The following PRR35 variants were observed in gnomAD, a reference collection of about 807,000 sequenced individuals.
The protein encoded by PRR35 is proline-rich protein 35.
In PRR35, 14 loss-of-function variants were observed where a neutral mutation model predicts 18.6. The observed-to-expected ratio is 0.75, with a 90% CI of 0.50 to 1.18. PRR35 has a LOEUF of 1.18. Among genes scored for constraint, PRR35 ranks in the 50% most tolerant of loss-of-function variants. PRR35 has a pLI of 0.00. For synonymous variants in PRR35, 425 were observed against 378.2 expected, an observed-to-expected ratio of 1.12 and a Z score of -1.43; for missense variants, 832 against 792.2, an observed-to-expected ratio of 1.05 and a Z score of -0.60.
chr16:563,691 A>G lies in PRR35; in HGVS notation c.397A>G (p.Arg133Gly). 1 of 1,560,888 alleles carries G rather than the reference A, an allele frequency of 6.4e-7. No individual in the cohort carries two copies. Among genetic ancestry groups the G allele is most frequent in the Non-Finnish European group, 8.6e-7 (1 of 1,159,172 alleles). ...SLHCGGGPKS[R>G]AKGSPGPPPP... ...GCACTGTGGCGGAGGCCCCAAGTCC[A>G]GGGCCAAGGGGTCCCCAGGGCCACC... The change falls in exon 2 of 3, where the codon AGG becomes GGG. Residue 133 changes from arginine to glycine, a missense_variant. Around this residue, in one of 3 missense-constraint regions of PRR35, gnomAD observed 768 missense variants for 704.1 expected, o/e 1.09. Transcript: ENST00000409413.
Position 563,368 on chromosome 16 carries a change from A to G in PRR35, c.74A>G (p.His25Arg), listed in dbSNP as rs1490666845. 6.2e-7 allele frequency: 1 copy of G among 1,612,170 alleles called. No individual in the cohort carries two copies. Among genetic ancestry groups the G allele is most frequent in the Non-Finnish European group, 8.5e-7 (1 of 1,179,672 alleles). ...CGGTCTCGGAAGCCCAAGAAGCCAC[A>G]CTACATCCCGCGGCCCTGGGGCAAA... Reference protein sequence around the residue: ...RARSRKPKKPHYIPRPWGKPY... With the variant: ...RARSRKPKKPRYIPRPWGKPY... The change falls in exon 2 of 3, where the codon CAC (histidine) becomes CGC (arginine). Residue 25 changes from histidine (H) to arginine (R), a missense_variant. His to Arg is a conservative substitution (Grantham distance 29). Coordinates refer to ENST00000409413, the MANE Select transcript of PRR35 (RefSeq NM_145270.3).
At position 565,503 on chromosome 16, in the gene PRR35, T is replaced by G. The variant is rs766992001; in HGVS notation, c.*196T>G. ...CACAGTTATTTATTGATCACAATTGTGGACATTAAAACAGAAACTGTTCAC... is the reference window on the plus strand; with the variant it reads ...CACAGTTATTTATTGATCACAATTGGGGACATTAAAACAGAAACTGTTCAC... On this transcript the variant is annotated 3_prime_UTR_variant, in exon 3 of 3. Coordinates refer to ENST00000409413, the MANE Select transcript of PRR35 (RefSeq NM_145270.3). The G allele has an allele frequency of 2.1e-4, 111 of 536,394 alleles. No individual in the cohort carries two copies. The highest frequency in any genetic ancestry group is 3.0e-4 in the Non-Finnish European group (99 of 332,974). 33.2% of individuals were successfully genotyped at this position (536,394 alleles called of 1,614,324 possible).
intron 1 of PRR35, among the ~76,000 whole-genome samples, chr16:561,336 G>A (rs529205702): frequency 3.3e-5 from 5 of 152,348 alleles, no homozygotes; most frequent in African/African-American, 9.6e-5. Context: ...GGCGGGATGG[G>A]TTGTGGCATC....
Position 563,670 on chromosome 16 carries a change from T to C in PRR35, c.376T>C (p.Cys126Arg), listed in dbSNP as rs1428330204. The change falls in exon 2 of 3, where the codon TGT (cysteine) becomes CGT (arginine). Residue 126 changes from cysteine (C) to arginine (R), a missense_variant. Transcript: ENST00000409413. ...LVVADIHSLH[C>R]GGGPKSRAKG... ...GGTCGCCGACATCCACTCCCTGCAC[T>C]GTGGCGGAGGCCCCAAGTCCAGGGC... 5 of 1,570,442 alleles carry C rather than the reference T, an allele frequency of 3.2e-6. No individual in the cohort carries two copies. Among genetic ancestry groups the C allele is most frequent in the Non-Finnish European group, 4.3e-6 (5 of 1,164,768 alleles).
chr16:562,307 G>A (rs1302940505), intron 1 of PRR35, among the ~76,000 whole-genome samples: 2 of 152,216 alleles, frequency 1.3e-5, no homozygotes, highest in Non-Finnish European at 2.9e-5. Flanking sequence ...ATGCTGGGAC[G>A]TCCACTCCCC....
Position 560,943 on chromosome 16 carries a change from G to GGGT in PRR35, c.-40+284_-40+285insTGG, listed in dbSNP as rs2035424043. Among the ~76,000 whole-genome samples, 7 of 151,804 alleles carry GGGT rather than the reference G, an allele frequency of 4.6e-5. 1 individual carries two copies. In the South Asian group the frequency reaches 1.5e-3, roughly 32 times the overall value. ...GGGCGCCCTGCGTTCCCGGGGGGGG[G>GGGT]GGCAGCAGGATCTGCGGGTGGCCGA... On this transcript the variant is annotated intron_variant, in intron 1 of 2. Coordinates refer to ENST00000409413, the MANE Select transcript of PRR35 (RefSeq NM_145270.3).
At position 563,595 on chromosome 16, in the gene PRR35, C is replaced by G; in HGVS notation, c.301C>G (p.Gln101Glu). The change falls in exon 2 of 3, where the codon CAA becomes GAA. Residue 101 changes from glutamine to glutamate, a missense_variant. This residue lies in a region of PRR35 where 768 missense variants were observed against 704.1 expected (regional missense o/e 1.09). Coordinates refer to ENST00000409413, the MANE Select transcript of PRR35 (RefSeq NM_145270.3). The part of the protein sequence containing the change: ...DRPGESDPGR[Q>E]PQGARPTGAA... Reference sequence around the variant, plus strand: ...CCCTGGGGAGTCCGACCCCGGCAGGCAACCCCAGGGAGCACGGCCCACAGG... The same window carrying G: ...CCCTGGGGAGTCCGACCCCGGCAGGGAACCCCAGGGAGCACGGCCCACAGG... The G allele has an allele frequency of 6.3e-7, 1 of 1,595,766 alleles. No individual in the cohort carries two copies.
rs763230614 is a variant in PRR35, at chr16:565,005, G to A, written c.1414G>A (p.Ala472Thr). The A allele has an allele frequency of 1.9e-6, 3 of 1,605,346 alleles. No individual in the cohort carries two copies. The highest frequency in any genetic ancestry group is 4.5e-5 in the East Asian group (2 of 44,556). ...DAPLDLSVKR[A>T]PAKGPQALGE... ...ACCCCTCGACCTCTCTGTGAAACGT[G>A]CGCCCGCCAAGGGGCCCCAGGCTCT... Residue 472 changes from alanine to threonine, a missense_variant, in exon 3 of 3, where the codon GCG (alanine) becomes ACG (threonine). Transcript: ENST00000409413.
chr16:563,006 C>A (rs550239304), intron 1 of PRR35, among the ~76,000 whole-genome samples: 2 of 151,146 alleles, frequency 1.3e-5, no homozygotes, highest in African/African-American at 4.9e-5. Context: ...TGCTGCTGAT[C>A]GGCGTCAGAT....
Position 564,070 on chromosome 16 carries a change from C to A in PRR35, c.776C>A (p.Thr259Asn). 3 of 1,547,518 alleles carry A rather than the reference C, an allele frequency of 1.9e-6. No homozygotes were observed. The highest frequency in any genetic ancestry group is 2.6e-6 in the Non-Finnish European group (3 of 1,151,810). The change falls in exon 2 of 3, where the codon ACC becomes AAC. Residue 259 changes from threonine to asparagine, a missense_variant. Physicochemically the swap from Thr to Asn is moderately conservative, Grantham distance 65. Around this residue, in one of 3 missense-constraint regions of PRR35, gnomAD observed 768 missense variants for 704.1 expected, o/e 1.09. Transcript: ENST00000409413. The part of the protein sequence containing the change: ...FPAVQPPQRP[T>N]PAPRLYYPLL... The stretch of plus-strand genomic sequence containing the variant: ...GCCGTGCAGCCCCCTCAGCGCCCCA[C>A]CCCGGCCCCCCGCCTGTACTACCCG...
chr16:561,273 AG>A (rs2035429513), intron 1 of PRR35, among the ~76,000 whole-genome samples: 1 of 152,152 alleles, frequency 6.6e-6, no homozygotes, highest in South Asian at 2.1e-4. Context: ...GCAGCTGCTG[AG>A]ACAGCCCCTT....
In PRR35 at chr16:560,501, C is replaced by G. The variant is rs1052982309; in HGVS notation, c.-200C>G. 102 of 982,822 alleles carry G rather than the reference C, an allele frequency of 1.0e-4. No homozygotes were observed. The Admixed American group carries it at 1.4e-3, about 13-fold the overall frequency. The allele number at this position is 982,822 out of a possible 1,614,324, so 60.9% of individuals were successfully genotyped here. On this transcript the variant is annotated 5_prime_UTR_variant, in exon 1 of 3. Coordinates refer to ENST00000409413, the MANE Select transcript of PRR35 (RefSeq NM_145270.3). Reference sequence around the variant, plus strand: ...GACCCGGGAGGTCCGGCTCCCGGCGCCGGGCCTCAGTTTCCCCCACGGGAG... The same window carrying G: ...GACCCGGGAGGTCCGGCTCCCGGCGGCGGGCCTCAGTTTCCCCCACGGGAG...
At chr16:561,833 GTGTGAGCATGT>G in intron 1 of PRR35, 1 of 960,434 alleles carries the variant, frequency 1.0e-6, no homozygotes, top group Non-Finnish European at 1.2e-6. Flanking sequence ...TGTAGGGCCT[GTGTGAGCATGT>G]GAGTGCCGTG....
At chr16:563,219 G>A in intron 1 of PRR35, 37 bp from the exon 2 acceptor site, 1 of 1,468,888 alleles carries the variant, frequency 6.8e-7, no homozygotes, top group South Asian at 1.4e-5. Context: ...GAGTTAGTCA[G>A]AGGCAGGCTT....
intron 2 of PRR35, 73 bp from the exon 3 acceptor site, chr16:564,601 G>A (rs1430947049): frequency 3.5e-6 from 5 of 1,436,408 alleles, no homozygotes; most frequent in East Asian, 2.5e-5. Flanking sequence ...GGCAGAGGCC[G>A]TGAGGGGAGA....
In PRR35 at chr16:563,721, C is replaced by A. The variant is rs770144240; in HGVS notation, c.427C>A (p.Pro143Thr). The A allele has an allele frequency of 6.5e-7, 1 of 1,540,766 alleles. No homozygotes were observed. Among genetic ancestry groups the A allele is most frequent in the Admixed American group, 1.9e-5 (1 of 51,564 alleles). Residue 143 changes from proline (P) to threonine (T), a missense_variant, in exon 2 of 3, where the codon CCT becomes ACT. Around this residue, in one of 3 missense-constraint regions of PRR35, gnomAD observed 768 missense variants for 704.1 expected, o/e 1.09. Transcript: ENST00000409413. ...CAAGGGGTCCCCAGGGCCACCACCC[C>A]CTGTGGCTAGGGCCACCCGGAAGGG... is the stretch of plus-strand genomic sequence containing the variant. Reference protein sequence around the residue: ...RAKGSPGPPPPVARATRKGPG... With the variant: ...RAKGSPGPPPTVARATRKGPG...
upstream of PRR35, chr16:560,366 A>C: frequency 1.0e-6 from 1 of 980,158 alleles, no homozygotes. Context: ...CCCGGAGCCC[A>C]GGCGCACGCG....
chr16:563,267 G>A lies in PRR35; in HGVS notation c.-28G>A. On this transcript the variant is annotated 5_prime_UTR_variant, in exon 2 of 3. Transcript: ENST00000409413. ...GGCCCCATCTACAGGTGGCCATGGTGCCCGGCCCTGCCTCATAGCAGGCTG... is the reference window on the plus strand; with the variant it reads ...GGCCCCATCTACAGGTGGCCATGGTACCCGGCCCTGCCTCATAGCAGGCTG... 1 of 1,571,322 alleles carries A rather than the reference G, an allele frequency of 6.4e-7. No individual in the cohort carries two copies. The highest frequency in any genetic ancestry group is 2.3e-5 in the East Asian group (1 of 44,070).
intron 1 of PRR35, 156 bp downstream of exon 1, chr16:560,817 G>C: frequency 1.8e-6 from 1 of 560,574 alleles, no homozygotes; most frequent in Non-Finnish European, 2.3e-6. Context: ...CAGCGCGGGG[G>C]GAGGGAGGGC....
Sources: allele counts gnomAD v4.1 joint callset (sites outside exome capture counted in the v4.1 genomes callset), GRCh38; gene constraint gnomAD v4.1.1; regional missense constraint gnomAD v4.1.1; transcripts MANE v1.5; gene names NCBI Gene and HGNC (gene_info 2026-07-23, HGNC 2026-07-21).